Variants in FNDC3A observed in about 807,000 individuals in gnomAD.
The protein encoded by FNDC3A is fibronectin type-III domain-containing protein 3A.
A neutral mutation model predicts 148.9 loss-of-function variants in FNDC3A; 32 were observed. The ratio of observed to expected loss-of-function variants is 0.21; its 90% CI spans 0.16 to 0.29. The LOEUF is 0.29. Ranked by LOEUF, FNDC3A falls within the 10% of genes least tolerant of loss-of-function variation. The pLI is 1.00. For synonymous variants in FNDC3A, 472 were observed against 473.6 expected (o/e 1.00, Z 0.04); for missense variants, 1,191 against 1,452.8 (o/e 0.82, Z 2.93).
chr13:49,113,642 C>T (rs996553461), intron 3 of FNDC3A, among the ~76,000 whole-genome samples: 1 of 152,118 alleles, frequency 6.6e-6, no homozygotes, highest in East Asian at 1.9e-4. Context: ...AGAGATCCTT[C>T]CCCCTTTACA....
intron 4 of FNDC3A, among the ~76,000 whole-genome samples, chr13:49,121,798 G>C (rs889702075): frequency 6.6e-6 from 1 of 152,226 alleles, no homozygotes; most frequent in Admixed American, 6.5e-5. Flanking sequence ...GACTAAACAA[G>C]GAAGAAGTGG....
At chr13:48,984,526 A>T (rs1270707715) in intron 1 of FNDC3A, among the ~76,000 whole-genome samples, 1 of 152,250 alleles carries the variant, frequency 6.6e-6, no homozygotes, top group East Asian at 1.9e-4. Flanking sequence ...ATAAACATGG[A>T]TAAAGAAGAA....
At chr13:49,202,667 C>CTGT (rs1886474398) in intron 24 of FNDC3A, among the ~76,000 whole-genome samples, 1 of 152,148 alleles carries the variant, frequency 6.6e-6, no homozygotes, top group Non-Finnish European at 1.5e-5. Flanking sequence ...AGTCATTTTT[C>CTGT]TGTTTGCTCA....
intron 8 of FNDC3A, among the ~76,000 whole-genome samples, chr13:49,152,630 C>T (rs1883379604): frequency 6.6e-6 from 1 of 151,994 alleles, no homozygotes; most frequent in African/African-American, 2.4e-5. Context: ...AACTCGTCAT[C>T]TAGCATTAGG....
intron 8 of FNDC3A, chr13:49,146,689 A>T (rs1883015417): frequency 6.6e-6 from 1 of 152,312 alleles, no homozygotes; most frequent in African/African-American, 2.4e-5. Flanking sequence ...GTGAGCCAAG[A>T]TCGCGTCATT....
chr13:49,186,279 T>C (rs1186104887), intron 15 of FNDC3A, among the ~76,000 whole-genome samples, 177 bp downstream of exon 15: 1 of 151,992 alleles, frequency 6.6e-6, no homozygotes, highest in African/African-American at 2.4e-5. Flanking sequence ...CTCTCATACA[T>C]GCTAGGTTAA....
intron 2 of FNDC3A, among the ~76,000 whole-genome samples, chr13:49,028,333 T>C (rs894191359): frequency 1.6e-4 from 24 of 152,230 alleles, no homozygotes; most frequent in African/African-American, 5.5e-4. Context: ...ATTGTAGCCC[T>C]GAGCTCAAGT....
In FNDC3A at chr13:49,186,140, C is replaced by T. The variant is rs185425179; in HGVS notation, c.1756+38C>T. 602 of 1,487,536 alleles carry T rather than the reference C, an allele frequency of 4.0e-4. 1 individual carries two copies. The highest frequency in any genetic ancestry group is 2.8e-3 in the African/African-American group (198 of 71,354). 92.1% of individuals were successfully genotyped at this position (1,487,536 alleles called of 1,614,324 possible). ...GCATGTTTATACATTATTACTTTTG[C>T]GTTTGATTAAAATAATTTGAATATG... is the stretch of plus-strand genomic sequence containing the variant. On this transcript the variant is annotated intron_variant, in intron 15 of 25. Transcript: ENST00000492622.
At chr13:49,167,778 A>G (rs530046890) in intron 9 of FNDC3A, among the ~76,000 whole-genome samples, 1 of 152,010 alleles carries the variant, frequency 6.6e-6, no homozygotes. Flanking sequence ...CAAAAAAAAA[A>G]CATTTAACTC....
chr13:49,186,268 ACT>A (rs10536862), intron 15 of FNDC3A, among the ~76,000 whole-genome samples, 166 bp downstream of exon 15: 151,630 of 152,294 alleles, frequency 1, 75,491 homozygotes, highest in Middle Eastern at 1. Flanking sequence ...AAAACCTTAT[ACT>A]CTCATACATG....
intron 2 of FNDC3A, among the ~76,000 whole-genome samples, chr13:49,048,983 A>G (rs990452430): frequency 1.2e-4 from 18 of 152,128 alleles, no homozygotes; most frequent in African/African-American, 4.1e-4. Flanking sequence ...ACCTTAAGGT[A>G]TGTCCCTTCT....
intron 14 of FNDC3A, among the ~76,000 whole-genome samples, chr13:49,180,441 C>T (rs887422904): frequency 6.6e-6 from 1 of 151,958 alleles, no homozygotes; most frequent in Non-Finnish European, 1.5e-5. Flanking sequence ...TATAATAATG[C>T]TATGTCAATT....
chr13:49,142,461 A>G (rs1475369581), intron 7 of FNDC3A, among the ~76,000 whole-genome samples: 2 of 152,082 alleles, frequency 1.3e-5, no homozygotes, highest in African/African-American at 4.8e-5. Context: ...TTATTTCACT[A>G]TAAGTTTATA....
intron 19 of FNDC3A, among the ~76,000 whole-genome samples, chr13:49,194,027 G>A (rs946375499): frequency 2.6e-5 from 4 of 152,090 alleles, no homozygotes; most frequent in African/African-American, 9.7e-5. Flanking sequence ...TGGGGAGGCC[G>A]AGGCTGGCAG....
At chr13:49,105,359 A>G (rs1880107546) in intron 3 of FNDC3A, among the ~76,000 whole-genome samples, 1 of 152,184 alleles carries the variant, frequency 6.6e-6, no homozygotes, top group East Asian at 1.9e-4. Context: ...TTAAAGAAAC[A>G]TTTGCACATG....
intron 3 of FNDC3A, among the ~76,000 whole-genome samples, chr13:49,092,165 G>T (rs990899969): frequency 6.6e-6 from 1 of 152,244 alleles, no homozygotes. Context: ...TATGCCCCAA[G>T]TGACAGAGCA....
intron 2 of FNDC3A, among the ~76,000 whole-genome samples, chr13:49,059,901 C>G (rs953889005): frequency 6.6e-6 from 1 of 152,110 alleles, no homozygotes; most frequent in African/African-American, 2.4e-5. Context: ...GAGTGGCCAG[C>G]AAACACAAGA....
intron 2 of FNDC3A, among the ~76,000 whole-genome samples, chr13:49,072,538 A>G (rs1434514952): frequency 1.3e-5 from 2 of 152,108 alleles, no homozygotes; most frequent in African/African-American, 4.8e-5. Context: ...CTTAGGTTAA[A>G]TTTATTCCTA....
chr13:49,040,816 C>T (rs1468585436), intron 2 of FNDC3A, among the ~76,000 whole-genome samples: 1 of 152,106 alleles, frequency 6.6e-6, no homozygotes, highest in African/African-American at 2.4e-5. Context: ...TACCAGGGTT[C>T]CTCACCTGTC....
Sources: allele counts gnomAD v4.1 joint callset (sites outside exome capture counted in the v4.1 genomes callset), GRCh38; gene constraint gnomAD v4.1.1; transcripts MANE v1.5; gene names NCBI Gene and HGNC (gene_info 2026-07-23, HGNC 2026-07-21).